The following DHCR24 variants were observed in gnomAD, a reference collection of about 807,000 sequenced individuals.
DHCR24 encodes delta(24)-sterol reductase.
Under a neutral mutation model 61.2 loss-of-function variants are expected in DHCR24, and 28 were observed. The observed-to-expected ratio is 0.46, with a 90% CI of 0.34 to 0.63. DHCR24 has a LOEUF of 0.63. Ranked by LOEUF, DHCR24 falls within the 20% of genes least tolerant of loss-of-function variation. The pLI is 0.01. For missense variants in DHCR24, 538 were observed against 679.1 expected (o/e 0.79, Z 2.31); for synonymous variants, 261 against 275.9 (o/e 0.95, Z 0.54).
chr1:54,886,699 T>G (rs1439156349), intron 1 of DHCR24, 190 bp downstream of exon 1: 2 of 1,462,170 alleles, frequency 1.4e-6, no homozygotes, highest in Non-Finnish European at 9.1e-7. Context: ...AGTGGGCACT[T>G]TGCCTGTTCT....
chr1:54,873,006 A>G (rs7551288), intron 4 of DHCR24, among the ~76,000 whole-genome samples: 70,004 of 152,100 alleles, frequency 0.46, 18,396 homozygotes, highest in South Asian at 0.67. Context: ...GGACAGATCC[A>G]AGGTTATTTA....
intron 7 of DHCR24, 132 bp from the exon 8 acceptor site, chr1:54,853,744 C>T (rs1027949018): frequency 5.2e-5 from 55 of 1,061,404 alleles, no homozygotes; most frequent in Non-Finnish European, 7.5e-5. Flanking sequence ...CTCTCAGCTT[C>T]ACTGCCCCGC....
chr1:54,853,567 C>A lies in DHCR24; in HGVS notation c.1264G>T (p.Gly422Cys). The change falls in exon 8 of 9, where the codon GGC becomes TGC. Residue 422 changes from glycine (G) to cysteine (C), a missense_variant. Coordinates refer to ENST00000371269, the MANE Select transcript of DHCR24 (RefSeq NM_014762.4). ...TCATTTCCTTTGGGGTGCACTAGGC[C>A]TGGCTGGCTGGGCAGGATGAACGGA... ...LCPFILPSQP[G>C]LVHPKGNEAE... The A allele has an allele frequency of 6.2e-7, 1 of 1,614,060 alleles. No individual in the cohort carries two copies. Among genetic ancestry groups the A allele is most frequent in the Non-Finnish European group, 8.5e-7 (1 of 1,179,996 alleles).
At chr1:54,871,305 A>G (rs1422755892) in intron 5 of DHCR24, 45 bp downstream of exon 5, 3 of 1,611,054 alleles carry the variant, frequency 1.9e-6, no homozygotes, top group East Asian at 2.2e-5. Flanking sequence ...TAGCACACTC[A>G]TGCCTCCCCA....
intron 6 of DHCR24, among the ~76,000 whole-genome samples, chr1:54,858,907 T>C (rs566242645): frequency 6.8e-4 from 103 of 152,294 alleles, no homozygotes; most frequent in African/African-American, 2.2e-3. Flanking sequence ...AAGTGCTGGA[T>C]TGCAGGTGTA....
At chr1:54,878,579 CAGG>C (rs1202322458) in intron 2 of DHCR24, among the ~76,000 whole-genome samples, 2 of 146,344 alleles carry the variant, frequency 1.4e-5, no homozygotes, top group South Asian at 4.3e-4. Context: ...TCACACAGGG[CAGG>C]AGATAGTGTC....
intron 7 of DHCR24, 144 bp downstream of exon 7, chr1:54,853,893 G>T: frequency 1.1e-6 from 1 of 903,674 alleles, no homozygotes; most frequent in Non-Finnish European, 1.7e-6. Context: ...GGCCTCAGCA[G>T]ACATAGGGAC....
intron 6 of DHCR24, among the ~76,000 whole-genome samples, chr1:54,855,208 C>T (rs916981176): frequency 3.9e-5 from 6 of 152,096 alleles, no homozygotes; most frequent in Admixed American, 1.3e-4. Flanking sequence ...TCCTGGCTAA[C>T]ACGGTGAAAC....
At chr1:54,871,926 G>A (rs562438454) in intron 4 of DHCR24, among the ~76,000 whole-genome samples, 7 of 152,248 alleles carry the variant, frequency 4.6e-5, no homozygotes, top group African/African-American at 1.4e-4. Context: ...GCTGCCCAAC[G>A]ACCCACAATG....
chr1:54,875,852 T>A (rs1647025819), intron 3 of DHCR24, 90 bp downstream of exon 3: 2 of 1,021,520 alleles, frequency 2.0e-6, no homozygotes, highest in Non-Finnish European at 3.1e-6. Flanking sequence ...ATAGCGGCAA[T>A]TCCAGGACTA....
At chr1:54,872,614 G>A (rs1307485281) in intron 4 of DHCR24, among the ~76,000 whole-genome samples, 4 of 152,118 alleles carry the variant, frequency 2.6e-5, no homozygotes, top group African/African-American at 9.7e-5. Context: ...TCCTGGCCAT[G>A]GCAGTGAAGA....
At chr1:54,876,888 G>A (rs1484215148) in intron 2 of DHCR24, among the ~76,000 whole-genome samples, 1 of 151,822 alleles carries the variant, frequency 6.6e-6, no homozygotes, top group Non-Finnish European at 1.5e-5. Context: ...GGAGGCTGGT[G>A]CACAGCTTGA....
intron 6 of DHCR24, among the ~76,000 whole-genome samples, chr1:54,863,676 C>T (rs1355956617): frequency 2.6e-5 from 4 of 151,948 alleles, no homozygotes; most frequent in Admixed American, 2.0e-4. Context: ...ACTAAAAGCA[C>T]AAACAAAAGG....
chr1:54,885,623 G>C (rs1402071809), intron 1 of DHCR24, among the ~76,000 whole-genome samples: 1 of 152,016 alleles, frequency 6.6e-6, no homozygotes, highest in Non-Finnish European at 1.5e-5. Context: ...ATGGCACATG[G>C]CAGGTCTGGG....
At chr1:54,860,026 G>A (rs566457885) in intron 6 of DHCR24, among the ~76,000 whole-genome samples, 5 of 152,110 alleles carry the variant, frequency 3.3e-5, no homozygotes, top group Admixed American at 1.3e-4. Context: ...AATGGGTGTG[G>A]GGGAGACCCC....
intron 6 of DHCR24, among the ~76,000 whole-genome samples, chr1:54,861,167 C>T (rs1490541140): frequency 6.6e-6 from 1 of 152,100 alleles, no homozygotes; most frequent in Non-Finnish European, 1.5e-5. Flanking sequence ...GAAATTACTA[C>T]CCGTGGGGAT....
chr1:54,860,690 T>A (rs1206673266), intron 6 of DHCR24, among the ~76,000 whole-genome samples: 1 of 152,192 alleles, frequency 6.6e-6, no homozygotes, highest in East Asian at 1.9e-4. Context: ...TTCTTCAACA[T>A]TAACTTTTGG....
At chr1:54,885,393 T>C (rs1415654286) in intron 1 of DHCR24, among the ~76,000 whole-genome samples, 3 of 152,126 alleles carry the variant, frequency 2.0e-5, no homozygotes, top group African/African-American at 7.2e-5. Context: ...AGACAGCTAT[T>C]ACAAGCCAGG....
intron 2 of DHCR24, among the ~76,000 whole-genome samples, chr1:54,879,329 A>AGG (rs1557439360): frequency 0.053 from 669 of 12,662 alleles, 38 homozygotes; most frequent in African/African-American, 0.073. Flanking sequence ...TCTGAAAAAA[A>AGG]AAAAAAAAAA....
Sources: gnomAD v4.1 joint callset for allele counts (sites outside exome capture counted in the v4.1 genomes callset) on GRCh38, gnomAD v4.1.1 for gene constraint, MANE v1.5 for transcripts, NCBI Gene and HGNC (gene_info 2026-07-23, HGNC 2026-07-21) for gene names.